The following DMD variants were observed in gnomAD, a reference collection of about 807,000 sequenced individuals.
DMD encodes dystrophin, also known as mutant dystrophin.
Under a neutral mutation model 330.1 loss-of-function variants are expected in DMD, and 63 were observed. That is an observed-to-expected ratio of 0.19 (90% CI 0.16 to 0.24). The LOEUF is 0.24. Ranked by LOEUF, DMD falls within the 10% of genes least tolerant of loss-of-function variation. DMD has a pLI of 1.00. For missense variants in DMD, 3,344 were observed against 2,684.1 expected (o/e 1.25, Z -5.43); for synonymous variants, 1,223 against 959.8 (o/e 1.27, Z -5.07).
At chrX:31,297,055 A>G (rs1370094247) in intron 62 of DMD, among the ~76,000 whole-genome samples, 1 of 111,465 alleles carries the variant, frequency 9.0e-6, no homozygotes, top group African/African-American at 3.3e-5. Flanking sequence ...TTGTGTATGT[A>G]TATAGTAAGC....
chrX:32,360,932 C>T (rs1036613651), intron 37 of DMD, among the ~76,000 whole-genome samples: 1 of 110,806 alleles, frequency 9.0e-6, no homozygotes, highest in African/African-American at 3.3e-5. Context: ...AGTATACTTA[C>T]AAATTCATGC....
At chrX:32,577,048 C>T (rs1434054048) in intron 13 of DMD, among the ~76,000 whole-genome samples, 4 of 111,661 alleles carry the variant, frequency 3.6e-5, no homozygotes, top group East Asian at 5.6e-4. Context: ...CCTACTACAT[C>T]GGAATGTGCC....
intron 25 of DMD, among the ~76,000 whole-genome samples, chrX:32,455,623 A>G (rs149590674): frequency 0.01 from 1,156 of 111,134 alleles, 19 homozygotes; most frequent in African/African-American, 0.034. Flanking sequence ...TGCCAACCAA[A>G]GTGTAGAGAC....
chrX:32,386,622 G>A (rs2097959836), intron 32 of DMD, among the ~76,000 whole-genome samples, 157 bp from the exon 33 acceptor site: 1 of 110,258 alleles, frequency 9.1e-6, no homozygotes, highest in Non-Finnish European at 1.9e-5. Context: ...TCTAGCTTTT[G>A]CATTTTCTGT....
In DMD at chrX:31,592,653, G is replaced by A. The variant is rs1266389743; in HGVS notation, c.8217+35020C>T. Among the ~76,000 whole-genome samples, 3 of 109,127 alleles carry A rather than the reference G, an allele frequency of 2.7e-5. No individual in the cohort carries two copies. The Admixed American group carries it at 3.0e-4, about 11-fold the overall frequency. 94.8% of individuals were successfully genotyped at this position (109,127 alleles called of 115,157 possible). On this transcript the variant is annotated intron_variant, in intron 55 of 78. Transcript: ENST00000357033. Reference sequence around the variant, plus strand: ...AAGGATTACCCAAGGCTCTTTTTTTGCTACAATTATTTAATTATACTCATG... The same window carrying A: ...AAGGATTACCCAAGGCTCTTTTTTTACTACAATTATTTAATTATACTCATG...
At chrX:31,633,998 C>T (rs1394885134) in intron 54 of DMD, among the ~76,000 whole-genome samples, 1 of 111,904 alleles carries the variant, frequency 8.9e-6, no homozygotes, top group Non-Finnish European at 1.9e-5. Context: ...GGAATACACT[C>T]CTCTCTGATA....
chrX:32,317,949 T>C (rs1175113471), intron 41 of DMD, among the ~76,000 whole-genome samples: 1 of 110,292 alleles, frequency 9.1e-6, no homozygotes, highest in Admixed American at 9.7e-5. Context: ...CTATGAGCCA[T>C]AATATGAAAG....
At chrX:32,388,085 T>C (rs932715216) in intron 32 of DMD, among the ~76,000 whole-genome samples, 4 of 111,606 alleles carry the variant, frequency 3.6e-5, no homozygotes, top group Non-Finnish European at 7.6e-5. Flanking sequence ...GATATTCTTA[T>C]GAAAGAACTG....
At chrX:32,300,307 T>C (rs1401762434) in intron 42 of DMD, among the ~76,000 whole-genome samples, 1 of 111,899 alleles carries the variant, frequency 8.9e-6, no homozygotes, top group African/African-American at 3.2e-5. Flanking sequence ...ACTTTACTTT[T>C]ACAAGACATT....
chrX:31,787,940 C>T (rs966979108), intron 50 of DMD, among the ~76,000 whole-genome samples: 2 of 112,178 alleles, frequency 1.8e-5, no homozygotes, highest in Non-Finnish European at 3.8e-5. Flanking sequence ...AGAAGCACAA[C>T]AAATAAAAAT....
At chrX:32,496,557 T>TA (rs948461711) in intron 19 of DMD, among the ~76,000 whole-genome samples, 2 of 112,210 alleles carry the variant, frequency 1.8e-5, no homozygotes, top group Non-Finnish European at 3.8e-5. Context: ...ATCATAAAAT[T>TA]AAAAAAAGTC....
intron 2 of DMD, among the ~76,000 whole-genome samples, chrX:32,891,217 C>A (rs983581307): frequency 1.8e-5 from 2 of 111,552 alleles, no homozygotes; most frequent in African/African-American, 3.3e-5. Flanking sequence ...CTGAGTTTTG[C>A]GAACATTTAT....
intron 7 of DMD, among the ~76,000 whole-genome samples, chrX:32,759,604 CAGA>C (rs1461419481): frequency 9.0e-6 from 1 of 111,520 alleles, no homozygotes; most frequent in African/African-American, 3.3e-5. Context: ...CATATCCAAA[CAGA>C]AGAACTAAGC....
At chrX:32,057,248 G>A (rs757761620) in intron 44 of DMD, among the ~76,000 whole-genome samples, 2 of 111,229 alleles carry the variant, frequency 1.8e-5, no homozygotes, top group East Asian at 2.8e-4. Context: ...TTTCAAAATC[G>A]TACCAGAAGT....
At chrX:32,330,441 T>C (rs1212223369) in intron 41 of DMD, among the ~76,000 whole-genome samples, 1 of 111,881 alleles carries the variant, frequency 8.9e-6, no homozygotes, top group African/African-American at 3.2e-5. Flanking sequence ...GATTCACAGA[T>C]GGTGCAAGTG....
chrX:32,348,507 A>T lies in DMD; in HGVS notation c.5347T>A (p.Leu1783Met), dbSNP rs1189023098. The T allele has an allele frequency of 4.2e-6, 5 of 1,204,595 alleles. No individual in the cohort carries two copies. Among genetic ancestry groups the T allele is most frequent in the Non-Finnish European group, 4.5e-6 (4 of 891,675 alleles). ...TGTATATCTGAGTTAAACTGCTCCA[A>T]TTCCTTCAAAGGAATGGAGGCCTAA... ...TGKASIPLKE[L>M]EQFNSDIQKL... The change falls in exon 38 of 79, where the codon TTG becomes ATG. Residue 1783 changes from leucine (L) to methionine (M), a missense_variant. By Grantham distance (15) the Leu-to-Met change is conservative. Coordinates refer to ENST00000357033, the MANE Select transcript of DMD (RefSeq NM_004006.3).
At chrX:32,863,325 T>A (rs1569536118) in intron 2 of DMD, among the ~76,000 whole-genome samples, 1 of 108,782 alleles carries the variant, frequency 9.2e-6, no homozygotes, top group Non-Finnish European at 1.9e-5. Flanking sequence ...GAGACCAGCC[T>A]GGCCAACGTG....
At chrX:32,813,022 C>T (rs751658993) in intron 6 of DMD, among the ~76,000 whole-genome samples, 24 of 110,644 alleles carry the variant, frequency 2.2e-4, no homozygotes, top group East Asian at 8.5e-4. Flanking sequence ...AAGAGCATTG[C>T]TTATGCATTC....
intron 2 of DMD, among the ~76,000 whole-genome samples, chrX:32,870,204 AAAGT>A (rs1176163268): frequency 2.7e-5 from 3 of 111,765 alleles, no homozygotes; most frequent in Non-Finnish European, 3.8e-5. Flanking sequence ...CAAAGAGAAT[AAAGT>A]AAGTAGGAAT....
Sources: gnomAD v4.1 joint callset for allele counts (sites outside exome capture counted in the v4.1 genomes callset) on GRCh38, gnomAD v4.1.1 for gene constraint, MANE v1.5 for transcripts, NCBI Gene and HGNC (gene_info 2026-07-23, HGNC 2026-07-21) for gene names.